SMAD3: variants seen among roughly 807,000 people sequenced by gnomAD.
SMAD3 encodes MAD homolog 3.
A neutral mutation model predicts 51.8 loss-of-function variants in SMAD3; 12 were observed. The observed-to-expected ratio is 0.23, with a 90% confidence interval of 0.15 to 0.38. The LOEUF (loss-of-function observed/expected upper bound fraction) is 0.38, where lower values mean the gene tolerates loss of function less well. Ranked by LOEUF, SMAD3 falls within the 10% of genes least tolerant of loss-of-function variation. The pLI is 1.00. For synonymous variants in SMAD3, 238 were observed against 227.7 expected (o/e 1.05, Z -0.41); for missense variants, 294 against 565.6 (o/e 0.52, Z 4.87).
At chr15:67,099,243 C>A (rs1460677962) in intron 1 of SMAD3, among the ~76,000 whole-genome samples, 1 of 152,204 alleles carries the variant, frequency 6.6e-6, no homozygotes, top group Non-Finnish European at 1.5e-5. Context: ...AAGCAGACAT[C>A]AATTCCTCAT....
chr15:67,176,119 G>T (rs1962887024), intron 5 of SMAD3, among the ~76,000 whole-genome samples: 1 of 152,176 alleles, frequency 6.6e-6, no homozygotes, highest in African/African-American at 2.4e-5. Flanking sequence ...ACATAGGTTG[G>T]AATTAGTACC....
At chr15:67,169,180 C>T (rs575707183) in intron 4 of SMAD3, among the ~76,000 whole-genome samples, 11 of 152,106 alleles carry the variant, frequency 7.2e-5, no homozygotes, top group South Asian at 2.1e-4. Flanking sequence ...AGAAGTTAAA[C>T]GGCTTAGCCA....
chr15:67,149,182 A>G (rs1962059141), intron 1 of SMAD3, among the ~76,000 whole-genome samples: 1 of 152,220 alleles, frequency 6.6e-6, no homozygotes, highest in Non-Finnish European at 1.5e-5. Context: ...ACCTCAGCGC[A>G]CTATGCTGGT....
rs1963249007 is a variant in SMAD3, at chr15:67,187,394, G to C, written c.1039G>C (p.Glu347Gln). Residue 347 changes from glutamate to glutamine, a missense_variant, in exon 8 of 9, where the codon GAG (glutamate) becomes CAG (glutamine). Physicochemically the swap from Glu to Gln is conservative, Grantham distance 29. Around this residue, in one of 3 missense-constraint regions of SMAD3, gnomAD observed 118 missense variants for 278.0 expected, o/e 0.42. Coordinates refer to ENST00000327367, the MANE Select transcript of SMAD3 (RefSeq NM_005902.4). ...GCNLKIFNNQ[E>Q]FAALLAQSVN... ...CAACCTGAAGATCTTCAACAACCAG[G>C]AGTTCGCTGCCCTCCTGGCCCAGTC... 1 of 1,614,084 alleles carries C rather than the reference G, an allele frequency of 6.2e-7. No individual in the cohort carries two copies. Among genetic ancestry groups the C allele is most frequent in the South Asian group, 1.1e-5 (1 of 91,078 alleles).
intron 1 of SMAD3, among the ~76,000 whole-genome samples, chr15:67,093,615 A>G (rs1164551218): frequency 1.3e-5 from 2 of 152,218 alleles, no homozygotes; most frequent in Admixed American, 1.3e-4. Context: ...ATGTGAGCAA[A>G]CTGGATCCCA....
intron 5 of SMAD3, among the ~76,000 whole-genome samples, chr15:67,173,026 A>G (rs1346795452): frequency 6.6e-6 from 1 of 152,130 alleles, no homozygotes; most frequent in Admixed American, 6.5e-5. Context: ...ATAGCCATCG[A>G]GGGGCTACGG....
rs1963354286 is a variant in SMAD3 at position 67,191,148 on chromosome 15, C to T, written c.*612C>T. 4.7e-6 allele frequency: 1 copy of T among 213,158 alleles called. No individual in the cohort carries two copies. The highest frequency in any genetic ancestry group is 9.4e-6 in the Non-Finnish European group (1 of 106,470). 13.2% of individuals were successfully genotyped at this position (213,158 alleles called of 1,614,324 possible). On this transcript the variant is annotated 3_prime_UTR_variant, in exon 9 of 9. Coordinates refer to ENST00000327367, the MANE Select transcript of SMAD3 (RefSeq NM_005902.4). ...TGTCTCCCTCCCCTCTCAGAACATA[C>T]TGATTGGGAGGTGCGTGTTCAGCAG... is the stretch of plus-strand genomic sequence containing the variant.
intron 1 of SMAD3, among the ~76,000 whole-genome samples, chr15:67,125,051 G>A (rs747388711): frequency 1.3e-5 from 2 of 152,360 alleles, no homozygotes; most frequent in South Asian, 2.1e-4. Context: ...CAGCCAAATG[G>A]TCAGAGAGCT....
chr15:67,088,637 G>C (rs1222482492), intron 1 of SMAD3, among the ~76,000 whole-genome samples: 1 of 152,164 alleles, frequency 6.6e-6, no homozygotes, highest in Non-Finnish European at 1.5e-5. Flanking sequence ...AGGGTGGGAA[G>C]GGGATGCTAA....
chr15:67,087,641 C>T (rs945480760), intron 1 of SMAD3, among the ~76,000 whole-genome samples: 7 of 152,122 alleles, frequency 4.6e-5, no homozygotes, highest in African/African-American at 1.7e-4. Context: ...CTTTCCTTTC[C>T]CGGCGGGTGA....
intron 1 of SMAD3, among the ~76,000 whole-genome samples, chr15:67,091,655 T>C (rs1960511280): frequency 6.6e-6 from 1 of 152,238 alleles, no homozygotes; most frequent in Non-Finnish European, 1.5e-5. Flanking sequence ...GGTGTCTGTT[T>C]TATATATTAA....
intron 1 of SMAD3, among the ~76,000 whole-genome samples, chr15:67,099,489 A>T (rs79984408): frequency 2.0e-5 from 3 of 152,236 alleles, no homozygotes; most frequent in Non-Finnish European, 4.4e-5. Flanking sequence ...GATTACTTGA[A>T]GAAGGGTTCC....
intron 1 of SMAD3, among the ~76,000 whole-genome samples, chr15:67,079,790 C>T (rs2140203233): frequency 6.6e-6 from 1 of 152,250 alleles, no homozygotes; most frequent in Non-Finnish European, 1.5e-5. Flanking sequence ...TGAGCTCTAC[C>T]CCATAGCCCC....
intron 1 of SMAD3, among the ~76,000 whole-genome samples, chr15:67,154,117 C>T (rs147552075): frequency 6.6e-6 from 1 of 152,126 alleles, no homozygotes; most frequent in Non-Finnish European, 1.5e-5. Flanking sequence ...TTGTCATGGA[C>T]CTGAGCCGGC....
At chr15:67,098,876 G>T in intron 1 of SMAD3, 2 of 701,810 alleles carry the variant, frequency 2.8e-6, no homozygotes, top group Non-Finnish European at 5.2e-6. Flanking sequence ...ATACATGGAT[G>T]GGAGGGTGGA....
intron 3 of SMAD3, 124 bp from the exon 4 acceptor site, chr15:67,166,655 A>T: frequency 1.4e-6 from 1 of 731,682 alleles, no homozygotes; most frequent in Non-Finnish European, 2.5e-6. Context: ...CTACTCCAAG[A>T]CCTGGAGCTC....
At chr15:67,148,225 A>G (rs1962031846) in intron 1 of SMAD3, among the ~76,000 whole-genome samples, 1 of 152,194 alleles carries the variant, frequency 6.6e-6, no homozygotes, top group African/African-American at 2.4e-5. Context: ...AGATCCGTTG[A>G]ACCCATCATT....
chr15:67,167,139 G>C (rs1024026663), intron 4 of SMAD3, among the ~76,000 whole-genome samples: 1 of 152,140 alleles, frequency 6.6e-6, no homozygotes, highest in African/African-American at 2.4e-5. Flanking sequence ...CACTTCACCC[G>C]GTCTGGGGAG....
At chr15:67,146,558 G>A (rs140071313) in intron 1 of SMAD3, among the ~76,000 whole-genome samples, 1 of 152,266 alleles carries the variant, frequency 6.6e-6, no homozygotes, top group African/African-American at 2.4e-5. Flanking sequence ...ATGTGTGTTC[G>A]GGGATGGGGA....
Sources: allele counts gnomAD v4.1 joint callset (sites outside exome capture counted in the v4.1 genomes callset), GRCh38; gene constraint gnomAD v4.1.1; regional missense constraint gnomAD v4.1.1; transcripts MANE v1.5; gene names NCBI Gene and HGNC (gene_info 2026-07-23, HGNC 2026-07-21).